CYYR1: variants seen among roughly 807,000 people sequenced by gnomAD.
The protein encoded by CYYR1 is cysteine and tyrosine rich 1.
Under a neutral mutation model 15.2 loss-of-function variants are expected in CYYR1, and 14 were observed. The ratio of observed to expected loss-of-function variants is 0.92; its 90% CI spans 0.61 to 1.44. The LOEUF (loss-of-function observed/expected upper bound fraction) is 1.44, where lower values mean the gene tolerates loss of function less well. Among genes scored for constraint, CYYR1 ranks in the 40% most tolerant of loss-of-function variants. The probability of loss-of-function intolerance (pLI) is 0.00; values close to 1 mark genes in which losing one functional copy is unlikely to be tolerated. For missense variants in CYYR1, 228 were observed against 209.5 expected (o/e 1.09, Z -0.54); for synonymous variants, 80 against 77.4 (o/e 1.03, Z -0.18).
chr21:26,487,647 A>T (rs1399960111), intron 2 of CYYR1, among the ~76,000 whole-genome samples: 1 of 152,106 alleles, frequency 6.6e-6, no homozygotes, highest in Non-Finnish European at 1.5e-5. Context: ...TACAGAAAAT[A>T]ATAGAAAAAC....
At chr21:26,529,516 G>A (rs940235189) in intron 2 of CYYR1, among the ~76,000 whole-genome samples, 5 of 152,130 alleles carry the variant, frequency 3.3e-5, no homozygotes, top group Non-Finnish European at 7.4e-5. Flanking sequence ...GCCTAAAATG[G>A]ATTAAATCTG....
At chr21:26,499,501 T>C (rs970766701) in intron 2 of CYYR1, among the ~76,000 whole-genome samples, 1 of 152,206 alleles carries the variant, frequency 6.6e-6, no homozygotes, top group Non-Finnish European at 1.5e-5. Flanking sequence ...TTAGTTAAAA[T>C]TTTTTGGTAA....
intron 2 of CYYR1, among the ~76,000 whole-genome samples, chr21:26,487,052 G>A (rs888337735): frequency 4.0e-5 from 6 of 151,850 alleles, no homozygotes; most frequent in East Asian, 3.9e-4. Context: ...AAGGCCATGC[G>A]GATATTTGAT....
chr21:26,552,730 T>G (rs1979485802), intron 2 of CYYR1, among the ~76,000 whole-genome samples: 1 of 152,134 alleles, frequency 6.6e-6, no homozygotes, highest in South Asian at 2.1e-4. Context: ...CAATTTTGTA[T>G]CATTTTAGTT....
intron 2 of CYYR1, among the ~76,000 whole-genome samples, chr21:26,561,173 A>G (rs1298061684): frequency 2.0e-5 from 3 of 152,192 alleles, no homozygotes; most frequent in Non-Finnish European, 4.4e-5. Flanking sequence ...ATTTATTTTA[A>G]CATCATATTA....
chr21:26,567,729 A>AAAAATAC (rs1280595329), intron 1 of CYYR1, among the ~76,000 whole-genome samples: 1 of 152,152 alleles, frequency 6.6e-6, no homozygotes, highest in Non-Finnish European at 1.5e-5. Context: ...CTATAACATT[A>AAAAATAC]AAAATACAAA....
chr21:26,478,109 A>T (rs928936799), intron 3 of CYYR1: 15 of 1,549,756 alleles, frequency 9.7e-6, no homozygotes, highest in Non-Finnish European at 1.0e-5. Flanking sequence ...AAATAGACCA[A>T]GATCTCTGCC....
chr21:26,476,550 A>AT (rs1206688486), intron 3 of CYYR1, among the ~76,000 whole-genome samples: 1 of 151,460 alleles, frequency 6.6e-6, no homozygotes, highest in Non-Finnish European at 1.5e-5. Context: ...GAAGAGCCCC[A>AT]TTCCCCTCTC....
intron 2 of CYYR1, among the ~76,000 whole-genome samples, chr21:26,489,582 T>C (rs1208915320): frequency 6.6e-6 from 1 of 151,714 alleles, no homozygotes; most frequent in East Asian, 1.9e-4. Flanking sequence ...GTATGTATAA[T>C]ATATATAATA....
At chr21:26,485,614 C>T (rs951728792) in intron 2 of CYYR1, among the ~76,000 whole-genome samples, 2 of 151,986 alleles carry the variant, frequency 1.3e-5, no homozygotes, top group Non-Finnish European at 2.9e-5. Context: ...TTTCCCTCAG[C>T]GTAATGCCTT....
intron 2 of CYYR1, among the ~76,000 whole-genome samples, chr21:26,520,567 T>A (rs1205898493): frequency 4.6e-5 from 7 of 152,200 alleles, no homozygotes; most frequent in African/African-American, 1.7e-4. Context: ...TATAGTAGAA[T>A]GATTTATGTT....
chr21:26,480,563 T>TTA, intron 2 of CYYR1, 134 bp from the exon 3 acceptor site: 2 of 871,478 alleles, frequency 2.3e-6, no homozygotes, highest in Non-Finnish European at 3.1e-6. Flanking sequence ...TGTTTTTCTT[T>TTA]TCTTTTTTTT....
At chr21:26,469,878 C>T (rs1469914730) in intron 3 of CYYR1, among the ~76,000 whole-genome samples, 1 of 152,058 alleles carries the variant, frequency 6.6e-6, no homozygotes, top group African/African-American at 2.4e-5. Context: ...CAGTTCCTTT[C>T]TCTAGTGTTG....
At chr21:26,475,121 T>A (rs2065086684) in intron 3 of CYYR1, among the ~76,000 whole-genome samples, 1 of 152,206 alleles carries the variant, frequency 6.6e-6, no homozygotes, top group Non-Finnish European at 1.5e-5. Context: ...TTCATAAGTG[T>A]TGTGGTCTTT....
chr21:26,568,508 C>A (rs914295944), intron 1 of CYYR1: 1 of 152,232 alleles, frequency 6.6e-6, no homozygotes, highest in East Asian at 1.9e-4. Context: ...CTATAAGACT[C>A]CTAGAAGAAA....
chr21:26,539,010 TG>T (rs1407106419), intron 2 of CYYR1, among the ~76,000 whole-genome samples: 1 of 152,146 alleles, frequency 6.6e-6, no homozygotes, highest in Admixed American at 6.6e-5. Context: ...AAATGCAATT[TG>T]GAGATACAGG....
intron 2 of CYYR1, among the ~76,000 whole-genome samples, chr21:26,495,535 A>G (rs78313978): frequency 0.015 from 2,152 of 147,944 alleles, 42 homozygotes; most frequent in Admixed American, 0.045. Flanking sequence ...ATGTGATCCA[A>G]TTAGACTCCA....
rs763287007 is a variant in CYYR1 at position 26,480,356 on chromosome 21, T to C, written c.250A>G (p.Ile84Val). The C allele has an allele frequency of 2.5e-5, 41 of 1,613,508 alleles. No individual in the cohort carries two copies. The highest frequency in any genetic ancestry group is 3.4e-5 in the Non-Finnish European group (40 of 1,179,696). The change falls in exon 3 of 4, where the codon ATC becomes GTC. Residue 84 changes from isoleucine (I) to valine (V), a missense_variant. Coordinates refer to ENST00000652641, the MANE Select transcript of CYYR1 (RefSeq NM_001320768.2). ...CTGTGGTTCTTCATGCACATGCAGA[T>C]GCATATGGCAATCCCAGCAATGACC... is the stretch of plus-strand genomic sequence containing the variant. Reference protein sequence around the residue: ...MGVIAGIAICICMCMKNHRAT... With the variant: ...MGVIAGIAICVCMCMKNHRAT...
At chr21:26,544,514 A>G (rs1290804186) in intron 2 of CYYR1, among the ~76,000 whole-genome samples, 3 of 152,228 alleles carry the variant, frequency 2.0e-5, no homozygotes, top group South Asian at 2.1e-4. Context: ...TATTAGCTAA[A>G]TGTCTACCAT....
Sources: allele counts gnomAD v4.1 joint callset (sites outside exome capture counted in the v4.1 genomes callset), GRCh38; gene constraint gnomAD v4.1.1; transcripts MANE v1.5; gene names NCBI Gene and HGNC (gene_info 2026-07-23, HGNC 2026-07-21).